The following C22orf31 variants were observed in gnomAD, a reference collection of about 807,000 sequenced individuals.
The protein encoded by C22orf31 is chromosome 22 open reading frame 31, also known as uncharacterized protein C22orf31.
In C22orf31, 11 loss-of-function variants were observed where a neutral mutation model predicts 15.0. The observed-to-expected ratio is 0.73, with a 90% CI of 0.46 to 1.21. The LOEUF (loss-of-function observed/expected upper bound fraction) is 1.21, where lower values mean the gene tolerates loss of function less well. C22orf31 is among the 50% of genes most tolerant of loss of function. The pLI is 0.00. For missense variants in C22orf31, 340 were observed against 347.2 expected (o/e 0.98, Z 0.17); for synonymous variants, 132 against 133.3 (o/e 0.99, Z 0.07).
In C22orf31 at chr22:29,061,818, T is replaced by C; in HGVS notation, c.-26A>G. Reference sequence around the variant, plus strand: ...ATTTCAGTTGCCTTAAATTTTATTTTCGCTAGCTTAGTAAGGGGAAGAAAT... The same window carrying C: ...ATTTCAGTTGCCTTAAATTTTATTTCCGCTAGCTTAGTAAGGGGAAGAAAT... On this transcript the variant is annotated 5_prime_UTR_variant, in exon 1 of 3. Coordinates refer to ENST00000216071, the MANE Select transcript of C22orf31 (RefSeq NM_015370.2). 1 of 1,530,488 alleles carries C rather than the reference T, an allele frequency of 6.5e-7. No homozygotes were observed. Among genetic ancestry groups the C allele is most frequent in the South Asian group, 1.2e-5 (1 of 84,640 alleles). 94.8% of individuals were successfully genotyped at this position (1,530,488 alleles called of 1,614,324 possible).
At chr22:29,066,873 A>G in the C22orf31 span, among the ~76,000 whole-genome samples, 1 of 151,848 alleles carries the variant, frequency 6.6e-6, no homozygotes, top group African/African-American at 2.4e-5. Context: ...CGCCTCCTCA[A>G]TGCTAACCCA....
At chr22:29,059,608 C>T (rs78068869) in intron 2 of C22orf31, 7 of 805,996 alleles carry the variant, frequency 8.7e-6, no homozygotes, top group East Asian at 1.3e-4. Context: ...AAATTAAGCC[C>T]GAGGTCGTCC....
chr22:29,063,197 C>G (rs1021885206), upstream of C22orf31, among the ~76,000 whole-genome samples: 1 of 152,146 alleles, frequency 6.6e-6, no homozygotes, highest in African/African-American at 2.4e-5. Context: ...CTTTTACTCA[C>G]TCTGTCCCCC....
At chr22:29,064,845 A>G (rs1319322189), upstream of C22orf31, among the ~76,000 whole-genome samples, 1 of 148,350 alleles carries the variant, frequency 6.7e-6, no homozygotes, top group African/African-American at 2.5e-5. Context: ...CCCATGTGAA[A>G]GTTATTTTTT....
chr22:29,065,591 C>A (rs897243924), upstream of C22orf31, among the ~76,000 whole-genome samples: 3 of 152,184 alleles, frequency 2.0e-5, no homozygotes, highest in African/African-American at 7.2e-5. Context: ...GCTACATCCC[C>A]TGGTTACGGG....
upstream of C22orf31, among the ~76,000 whole-genome samples, chr22:29,066,539 C>CTTTTTTTTTTTTTTTTTTTTTTT (rs134565): frequency 1.3e-3 from 88 of 70,228 alleles, 11 homozygotes; most frequent in Non-Finnish European, 1.5e-3. Context: ...CTTTTCTTTT[C>CTTTTTTTTTTTTTTTTTTTTTTT]TTTTTTTTTT....
chr22:29,073,542 C>T, the C22orf31 span, among the ~76,000 whole-genome samples: 1 of 152,144 alleles, frequency 6.6e-6, no homozygotes, highest in Non-Finnish European at 1.5e-5. This position sits in a 1 kb window ranked among gnomAD's most constrained non-coding sequence, Gnocchi z 4.4. Context: ...GCCCCCCGGG[C>T]TGGGACATCT....
upstream of C22orf31, among the ~76,000 whole-genome samples, chr22:29,064,151 A>C (rs898858963): frequency 1.3e-5 from 2 of 152,162 alleles, no homozygotes; most frequent in South Asian, 4.2e-4. Flanking sequence ...TACAGGTGTG[A>C]ATCACCACAC....
At chr22:29,061,362 G>A (rs2037389724) in intron 1 of C22orf31, among the ~76,000 whole-genome samples, 1 of 152,128 alleles carries the variant, frequency 6.6e-6, no homozygotes, top group South Asian at 2.1e-4. Context: ...CGCCTCCCGG[G>A]CTCAAGGGAT....
intron 2 of C22orf31, chr22:29,059,683 C>G: frequency 1.0e-6 from 1 of 976,900 alleles, no homozygotes; most frequent in Non-Finnish European, 1.2e-6. Context: ...GGTAACATAC[C>G]TGGATTCCAA....
the C22orf31 span, chr22:29,073,155 G>T: frequency 2.6e-6 from 3 of 1,140,886 alleles, no homozygotes; most frequent in Admixed American, 4.5e-5. The surrounding 1 kb of genome is among the most constrained non-coding windows in gnomAD (Gnocchi z 4.4). Context: ...CGCCCGCCTC[G>T]CCCTGCTCTC....
At chr22:29,070,768 A>G in the C22orf31 span, among the ~76,000 whole-genome samples, 1 of 152,170 alleles carries the variant, frequency 6.6e-6, no homozygotes, top group Non-Finnish European at 1.5e-5. Context: ...CCAGAAAAAG[A>G]AAAAGAAAAA....
chr22:29,071,160 GT>G, the C22orf31 span, among the ~76,000 whole-genome samples: 3 of 151,800 alleles, frequency 2.0e-5, no homozygotes, highest in African/African-American at 7.3e-5. Flanking sequence ...GTGGCAGGAG[GT>G]GGGGGGGGCG....
chr22:29,063,017 G>A (rs2037406339), upstream of C22orf31, among the ~76,000 whole-genome samples: 1 of 152,056 alleles, frequency 6.6e-6, no homozygotes, highest in Non-Finnish European at 1.5e-5. Flanking sequence ...ACTCTGCAAA[G>A]CAGGGACAGG....
chr22:29,063,937 G>T (rs1569305463), upstream of C22orf31, among the ~76,000 whole-genome samples: 1 of 152,092 alleles, frequency 6.6e-6, no homozygotes, highest in African/African-American at 2.4e-5. Flanking sequence ...GCACGATCTT[G>T]GCTCACTGCA....
chr22:29,072,158 T>C, the C22orf31 span, among the ~76,000 whole-genome samples: 1 of 151,764 alleles, frequency 6.6e-6, no homozygotes, highest in Non-Finnish European at 1.5e-5. Flanking sequence ...TTTGTTTTTG[T>C]TTTTGAGACA....
chr22:29,060,600 G>T lies in C22orf31; in HGVS notation c.247C>A (p.Arg83=), dbSNP rs772347124. ...GGGCAGCACTTATTCTTCAGTTGCCGCCTGAGTACAAGCTTAACCAGGGAG... is the reference window on the plus strand; with the variant it reads ...GGGCAGCACTTATTCTTCAGTTGCCTCCTGAGTACAAGCTTAACCAGGGAG... ...SFSLVKLVLR[R]QLKNKCCPPP... Residue 83 remains arginine, a synonymous_variant, in exon 2 of 3, where the codon CGG becomes AGG. Coordinates refer to ENST00000216071, the MANE Select transcript of C22orf31 (RefSeq NM_015370.2). The T allele has an allele frequency of 2.5e-6, 4 of 1,614,106 alleles. No homozygotes were observed. Among genetic ancestry groups the T allele is most frequent in the Non-Finnish European group, 3.4e-6 (4 of 1,180,026 alleles).
the C22orf31 span, among the ~76,000 whole-genome samples, chr22:29,068,759 CTTTTTTTTT>C: frequency 2.7e-5 from 3 of 113,116 alleles, no homozygotes; most frequent in Non-Finnish European, 5.2e-5. Flanking sequence ...CAACCTGGTA[CTTTTTTTTT>C]TTTTTTTTTT....
chr22:29,066,188 T>C (rs919848823), upstream of C22orf31, among the ~76,000 whole-genome samples: 1 of 152,232 alleles, frequency 6.6e-6, no homozygotes, highest in African/African-American at 2.4e-5. Context: ...TCCACCTTTA[T>C]GGCCCTGCCC....
Sources: allele counts gnomAD v4.1 joint callset (sites outside exome capture counted in the v4.1 genomes callset), GRCh38; gene constraint gnomAD v4.1.1; non-coding constraint Gnocchi (gnomAD v3.1); transcripts MANE v1.5; gene names NCBI Gene and HGNC (gene_info 2026-07-23, HGNC 2026-07-21).